Variants in PACRGL observed in about 807,000 individuals in gnomAD.
PACRGL encodes the protein PACRG-like protein.
Under a neutral mutation model 34.5 loss-of-function variants are expected in PACRGL, and 38 were observed. The ratio of observed to expected loss-of-function variants is 1.10; its 90% CI spans 0.85 to 1.44. The LOEUF (loss-of-function observed/expected upper bound fraction) is 1.44, where lower values mean the gene tolerates loss of function less well. PACRGL is among the 40% of genes most tolerant of loss of function. The probability of loss-of-function intolerance (pLI) is 0.00; values close to 1 mark genes in which losing one functional copy is unlikely to be tolerated. For missense variants in PACRGL, 305 were observed against 281.4 expected, an observed-to-expected ratio of 1.08 and a Z score of -0.60; for synonymous variants, 128 against 100.1, an observed-to-expected ratio of 1.28 and a Z score of -1.66.
At chr4:20,702,112 C>CA (rs1449859945) in intron 1 of PACRGL, 1 of 453,002 alleles carries the variant, frequency 2.2e-6, no homozygotes, top group Non-Finnish European at 4.4e-6. Flanking sequence ...TGAACTCATT[C>CA]AAAATATAAT....
At chr4:20,753,653 T>A (rs558921269), downstream of PACRGL, among the ~76,000 whole-genome samples, 1 of 152,214 alleles carries the variant, frequency 6.6e-6, no homozygotes, top group Non-Finnish European at 1.5e-5. Context: ...AATATACAAT[T>A]CATGACATCG....
At chr4:20,753,221 C>T (rs890079204), downstream of PACRGL, among the ~76,000 whole-genome samples, 1 of 152,018 alleles carries the variant, frequency 6.6e-6, no homozygotes, top group South Asian at 2.1e-4. Flanking sequence ...ACTGAGGTCA[C>T]CTAGTTAGTT....
upstream of PACRGL, among the ~76,000 whole-genome samples, chr4:20,699,232 T>A (rs1012206216): frequency 2.6e-5 from 4 of 152,020 alleles, no homozygotes; most frequent in East Asian, 1.9e-4. Context: ...GATTTTTTTT[T>A]TTAAAAATTT....
chr4:20,708,898 G>C (rs556068804), intron 4 of PACRGL, among the ~76,000 whole-genome samples: 1 of 151,888 alleles, frequency 6.6e-6, no homozygotes, highest in Non-Finnish European at 1.5e-5. Flanking sequence ...AGGCCAAGGC[G>C]GGTGGATCAC....
chr4:20,716,260 A>T (rs1739919641), intron 7 of PACRGL: 3 of 723,862 alleles, frequency 4.1e-6, no homozygotes, highest in Non-Finnish European at 7.3e-6. Context: ...TAAGAGGCAC[A>T]TAGGGCAGGG....
At chr4:20,743,017 G>A (rs568901152) in intron 8 of PACRGL, among the ~76,000 whole-genome samples, 1 of 99,178 alleles carries the variant, frequency 1.0e-5, no homozygotes, top group East Asian at 2.6e-4. Context: ...GGGATGTGAA[G>A]GACCCTTATA....
chr4:20,750,497 T>C lies in PACRGL; in HGVS notation c.*57-2068T>C, dbSNP rs75402524. 2.9e-3 allele frequency among the ~76,000 whole-genome samples: 436 copies of C among 152,292 alleles called. 1 individual carries two copies. Among genetic ancestry groups the C allele is most frequent in the African/African-American group, 0.01 (421 of 41,560 alleles). ...TGGGATTCAAGGATCTGGGTAATGA[T>C]GGACAGGTATGTCTTCTGAAGTCTA... On this transcript the variant is annotated intron_variant, in intron 8 of 8. Coordinates refer to the PACRGL transcript ENST00000507634.
At chr4:20,744,206 C>CTAG (rs1374642382) in intron 8 of PACRGL, among the ~76,000 whole-genome samples, 3 of 151,988 alleles carry the variant, frequency 2.0e-5, no homozygotes, top group African/African-American at 7.2e-5. Context: ...ACTGGTGACT[C>CTAG]CTCAAGGAGC....
At chr4:20,746,588 G>T (rs1288098025) in intron 8 of PACRGL, among the ~76,000 whole-genome samples, 2 of 151,904 alleles carry the variant, frequency 1.3e-5, no homozygotes, top group South Asian at 4.2e-4. Context: ...GCACATATTT[G>T]GTGCCAGACA....
At chr4:20,710,339 G>A (rs1353310344) in intron 5 of PACRGL, among the ~76,000 whole-genome samples, 3 of 152,172 alleles carry the variant, frequency 2.0e-5, no homozygotes, top group Non-Finnish European at 4.4e-5. Context: ...CAGGAAAAAT[G>A]TTGGTGGAGT....
At chr4:20,717,659 T>C (rs1740792603) in intron 7 of PACRGL, among the ~76,000 whole-genome samples, 5 of 152,224 alleles carry the variant, frequency 3.3e-5, no homozygotes, top group Admixed American at 2.6e-4. Context: ...TGTGGTATTA[T>C]TTCTGAGGCC....
At chr4:20,749,642 G>A in intron 8 of PACRGL, 1 of 1,539,634 alleles carries the variant, frequency 6.5e-7, no homozygotes, top group Non-Finnish European at 8.9e-7. Flanking sequence ...CAAATGATAT[G>A]AAAATAATCC....
chr4:20,745,594 G>T (rs1752248196), intron 8 of PACRGL, among the ~76,000 whole-genome samples: 1 of 152,140 alleles, frequency 6.6e-6, no homozygotes, highest in African/African-American at 2.4e-5. Context: ...GGTTATATCT[G>T]TTCCCTAAAG....
At chr4:20,726,703 G>A (rs1337001102) in intron 8 of PACRGL, among the ~76,000 whole-genome samples, 3 of 152,036 alleles carry the variant, frequency 2.0e-5, no homozygotes, top group African/African-American at 7.2e-5. Context: ...TCAACTTTTG[G>A]ATACAGGAAA....
the PACRGL span, among the ~76,000 whole-genome samples, chr4:20,757,997 A>T: frequency 6.6e-6 from 1 of 152,124 alleles, no homozygotes; most frequent in Non-Finnish European, 1.5e-5. Context: ...TGAGTTTGAC[A>T]TTGTCCATCT....
chr4:20,702,968 G>C (rs191049928), intron 1 of PACRGL, among the ~76,000 whole-genome samples: 1 of 152,148 alleles, frequency 6.6e-6, no homozygotes, highest in Non-Finnish European at 1.5e-5. Flanking sequence ...TTACATTTAG[G>C]TTATCTTTAC....
At chr4:20,755,621 T>C (rs1309719828), downstream of PACRGL, among the ~76,000 whole-genome samples, 2 of 152,144 alleles carry the variant, frequency 1.3e-5, no homozygotes, top group African/African-American at 4.8e-5. Flanking sequence ...ATATATATTA[T>C]TGGATTGTCT....
chr4:20,697,902 C>G (rs546731455), upstream of PACRGL, among the ~76,000 whole-genome samples: 20 of 152,252 alleles, frequency 1.3e-4, no homozygotes, highest in Non-Finnish European at 2.5e-4. Context: ...CATCGCCACC[C>G]AAAAGCCCCA....
intron 8 of PACRGL, among the ~76,000 whole-genome samples, chr4:20,745,631 G>T (rs1158134324): frequency 6.6e-6 from 1 of 152,160 alleles, no homozygotes; most frequent in Non-Finnish European, 1.5e-5. Flanking sequence ...GGGGTGGAGA[G>T]GTCTGTACCG....
Sources: allele counts gnomAD v4.1 joint callset (sites outside exome capture counted in the v4.1 genomes callset), GRCh38; gene constraint gnomAD v4.1.1; transcripts MANE v1.5; gene names NCBI Gene and HGNC (gene_info 2026-07-23, HGNC 2026-07-21).